Variants in CSNK2A2 observed in about 807,000 individuals in gnomAD.
The protein encoded by CSNK2A2 is casein kinase 2 alpha 2.
A neutral mutation model predicts 54.0 loss-of-function variants in CSNK2A2; 8 were observed. That is an observed-to-expected ratio of 0.15 (90% CI 0.09 to 0.27). The LOEUF (loss-of-function observed/expected upper bound fraction) is 0.27, where lower values mean the gene tolerates loss of function less well. Ranked by LOEUF, CSNK2A2 falls within the 10% of genes least tolerant of loss-of-function variation. The pLI is 1.00. For synonymous variants in CSNK2A2, 141 were observed against 153.9 expected (o/e 0.92, Z 0.62); for missense variants, 242 against 439.4 (o/e 0.55, Z 4.02).
At chr16:58,179,907 G>A (rs1421565990) in intron 4 of CSNK2A2, among the ~76,000 whole-genome samples, 3 of 151,788 alleles carry the variant, frequency 2.0e-5, no homozygotes, top group African/African-American at 7.3e-5. Context: ...GTGAAACCCC[G>A]TCTGTACTAA....
intron 2 of CSNK2A2, among the ~76,000 whole-genome samples, chr16:58,187,830 GA>G (rs1412209611): frequency 1.3e-5 from 2 of 152,258 alleles, no homozygotes; most frequent in Non-Finnish European, 2.9e-5. Flanking sequence ...AGAGGGGCAG[GA>G]ATCAAAGCTG....
At chr16:58,165,884 T>C (rs1240058213) in intron 9 of CSNK2A2, among the ~76,000 whole-genome samples, 176 bp from the exon 10 acceptor site, 1 of 152,218 alleles carries the variant, frequency 6.6e-6, no homozygotes, top group Non-Finnish European at 1.5e-5. Flanking sequence ...TGAAACACAA[T>C]GGTGCTCTGT....
At chr16:58,162,571 T>C (rs1961415539) in intron 11 of CSNK2A2, 1 of 152,200 alleles carries the variant, frequency 6.6e-6, no homozygotes, top group Non-Finnish European at 1.5e-5. Context: ...AAACAAATGT[T>C]TCAAACAAAC....
At chr16:58,160,269 G>A (rs1265490345) in intron 11 of CSNK2A2, 1 of 150,604 alleles carries the variant, frequency 6.6e-6, no homozygotes, top group African/African-American at 2.4e-5. Context: ...TTTCGGAAGG[G>A]TTTATATTGA....
chr16:58,168,926 A>C (rs1433149397), intron 5 of CSNK2A2, among the ~76,000 whole-genome samples: 2 of 150,834 alleles, frequency 1.3e-5, no homozygotes, highest in African/African-American at 2.4e-5. Context: ...TATGAGGAAG[A>C]TTTCTTTTTT....
intron 4 of CSNK2A2, among the ~76,000 whole-genome samples, chr16:58,182,374 CAAAAAAAAAAAA>C (rs71155249): frequency 9.7e-4 from 25 of 25,746 alleles, no homozygotes; most frequent in African/African-American, 4.9e-3. Flanking sequence ...CTAAATATAC[CAAAAAAAAAAAA>C]AAAAAAAAAA....
intron 2 of CSNK2A2, among the ~76,000 whole-genome samples, chr16:58,190,154 T>C (rs1962291749): frequency 6.6e-6 from 1 of 152,190 alleles, no homozygotes. Flanking sequence ...GGTTCATTTA[T>C]TCCAATTCAG....
At chr16:58,165,487 T>C in intron 10 of CSNK2A2, 73 bp downstream of exon 10, 1 of 1,432,730 alleles carries the variant, frequency 7.0e-7, no homozygotes, top group South Asian at 1.6e-5. Flanking sequence ...TCCTGACTGG[T>C]CTCAAAGACA....
intron 11 of CSNK2A2, chr16:58,160,702 T>C (rs948126812): frequency 6.6e-6 from 1 of 152,200 alleles, no homozygotes; most frequent in Non-Finnish European, 1.5e-5. Flanking sequence ...CTCTAATTTA[T>C]CCCCTCAAGA....
chr16:58,188,520 G>T (rs894273638), intron 2 of CSNK2A2, among the ~76,000 whole-genome samples: 3 of 152,206 alleles, frequency 2.0e-5, no homozygotes, highest in Non-Finnish European at 1.5e-5. Flanking sequence ...ACAACTGAAT[G>T]TAACACATGA....
chr16:58,162,755 C>T (rs576808203), intron 11 of CSNK2A2: 2 of 152,270 alleles, frequency 1.3e-5, no homozygotes, highest in Admixed American at 1.3e-4. Context: ...TCCTGAGTCC[C>T]CAAAATGAAA....
At chr16:58,182,291 G>C (rs1962061341) in intron 4 of CSNK2A2, among the ~76,000 whole-genome samples, 1 of 147,450 alleles carries the variant, frequency 6.8e-6, no homozygotes, top group African/African-American at 2.5e-5. Context: ...AGCACTTTGG[G>C]AGGCCAAGGC....
At chr16:58,189,433 T>C (rs759111207) in intron 2 of CSNK2A2, among the ~76,000 whole-genome samples, 10 of 152,090 alleles carry the variant, frequency 6.6e-5, no homozygotes, top group Non-Finnish European at 1.2e-4. Context: ...CCAAAAACCC[T>C]CTTCTAATTC....
Position 58,197,764 on chromosome 16 carries a change from G to A in CSNK2A2, c.-28C>T, listed in dbSNP as rs756570596. 5 of 916,810 alleles carry A rather than the reference G, an allele frequency of 5.5e-6. No individual in the cohort carries two copies. In the South Asian group the frequency reaches 2.0e-4, roughly 36 times the overall value. 56.8% of individuals were successfully genotyped at this position (916,810 alleles called of 1,614,324 possible). A position where few individuals can be genotyped will look rare whatever the true frequency, so the allele number is the denominator to read the frequency against. On this transcript the variant is annotated 5_prime_UTR_variant, in exon 1 of 12. Transcript: ENST00000262506. This position sits in a 1 kb window ranked among gnomAD's most constrained non-coding sequence, Gnocchi z 4.0. The stretch of plus-strand genomic sequence containing the variant: ...CGGGCGGGACCGGGGGGCGGCGCGG[G>A]GCGCAGAGGGTGGCGGCGGCGGCGC...
intron 2 of CSNK2A2, among the ~76,000 whole-genome samples, chr16:58,195,952 T>C (rs1962433764): frequency 1.3e-5 from 2 of 152,232 alleles, no homozygotes; most frequent in East Asian, 1.9e-4. Flanking sequence ...CCTGAAACTT[T>C]ACTGCCAAAG....
At chr16:58,166,300 T>C (rs1286522357) in intron 9 of CSNK2A2, among the ~76,000 whole-genome samples, 1 of 152,226 alleles carries the variant, frequency 6.6e-6, no homozygotes, top group Non-Finnish European at 1.5e-5. Flanking sequence ...CTCTCCAAGT[T>C]TGGCCATTAA....
At chr16:58,162,158 T>C (rs1961399747) in intron 11 of CSNK2A2, 2 of 152,096 alleles carry the variant, frequency 1.3e-5, no homozygotes, top group Admixed American at 1.3e-4. Context: ...AGACACGCAG[T>C]GGCACATCTC....
intron 4 of CSNK2A2, among the ~76,000 whole-genome samples, chr16:58,180,568 A>G (rs922254057): frequency 1.3e-5 from 2 of 152,236 alleles, no homozygotes; most frequent in African/African-American, 4.8e-5. Flanking sequence ...CTTGAAAGAC[A>G]TCTATCCATA....
rs538359251 is a variant in CSNK2A2 at position 58,166,761 on chromosome 16, A to G, written c.727-77T>C. The stretch of plus-strand genomic sequence containing the variant: ...GCCCGTGAGGACACTGCACCAAGGA[A>G]TCAGAAGACTTCCACACCACTAAAC... On this transcript the variant is annotated intron_variant, in intron 8 of 11. Transcript: ENST00000262506. The G allele has an allele frequency of 6.0e-6, 6 of 1,001,572 alleles. No homozygotes were observed. The East Asian group carries it at 1.4e-4, about 24-fold the overall frequency. 62.0% of individuals were successfully genotyped at this position (1,001,572 alleles called of 1,614,324 possible).
Sources: gnomAD v4.1 joint callset for allele counts (sites outside exome capture counted in the v4.1 genomes callset) on GRCh38, gnomAD v4.1.1 for gene constraint, Gnocchi (gnomAD v3.1) non-coding constraint, MANE v1.5 for transcripts, NCBI Gene and HGNC (gene_info 2026-07-23, HGNC 2026-07-21) for gene names.